ZC3H4: variants seen among roughly 807,000 people sequenced by gnomAD.
ZC3H4 encodes the protein zinc finger CCCH-type containing 4, also known as zinc finger CCCH domain-containing protein 4.
A neutral mutation model predicts 108.3 loss-of-function variants in ZC3H4; 13 were observed. The ratio of observed to expected loss-of-function variants is 0.12; its 90% CI spans 0.08 to 0.19. The LOEUF (loss-of-function observed/expected upper bound fraction) is 0.19, where lower values mean the gene tolerates loss of function less well. Ranked by LOEUF, ZC3H4 falls within the 10% of genes least tolerant of loss-of-function variation. The probability of loss-of-function intolerance (pLI) is 1.00; values close to 1 mark genes in which losing one functional copy is unlikely to be tolerated. For synonymous variants in ZC3H4, 917 were observed against 749.6 expected, an observed-to-expected ratio of 1.22 and a Z score of -3.65; for missense variants, 1,734 against 1,838.8, an observed-to-expected ratio of 0.94 and a Z score of 1.04.
chr19:47,085,103 T>C lies in ZC3H4; in HGVS notation c.1060A>G (p.Lys354Glu), dbSNP rs761482535. The C allele has an allele frequency of 3.1e-6, 5 of 1,614,210 alleles. No individual in the cohort carries two copies. The highest frequency in any genetic ancestry group is 2.2e-5 in the South Asian group (2 of 91,086). Reference protein sequence around the residue: ...GRGGSRGGMNKGGMNDDEDFY... With the variant: ...GRGGSRGGMNEGGMNDDEDFY... ...TCTTCGTCATCGTTCATTCCGCCCTTGTTCATCCCTCCTCGGCTGCCACCT... is the reference window on the plus strand; with the variant it reads ...TCTTCGTCATCGTTCATTCCGCCCTCGTTCATCCCTCCTCGGCTGCCACCT... Residue 354 changes from lysine (K) to glutamate (E), a missense_variant, in exon 8 of 15, where the codon AAG (lysine) becomes GAG (glutamate). Lys to Glu is a moderately conservative substitution (Grantham distance 56). Coordinates refer to ENST00000253048, the MANE Select transcript of ZC3H4 (RefSeq NM_015168.2).
chr19:47,088,414 G>T (rs747996921), intron 5 of ZC3H4, among the ~76,000 whole-genome samples: 41 of 152,060 alleles, frequency 2.7e-4, no homozygotes, highest in Non-Finnish European at 5.3e-4. Flanking sequence ...CGGGCATGGT[G>T]GTAGGCGCCT....
chr19:47,066,764 A>C lies in ZC3H4; in HGVS notation c.3504T>G (p.Gly1168=), dbSNP rs912701063. ...GKATEPAADT[G]AQPKGAEGNG... is the part of the protein sequence containing the mutation. ...TGCCCTCAGCACCCTTGGGCTGGGCACCCGTGTCAGCAGCCGGCTCTGTGG... is the reference window on the plus strand; with the variant it reads ...TGCCCTCAGCACCCTTGGGCTGGGCCCCCGTGTCAGCAGCCGGCTCTGTGG... The change falls in exon 15 of 15, where the codon GGT becomes GGG. Residue 1168 remains glycine (G), a synonymous_variant. Transcript: ENST00000253048. The C allele has an allele frequency of 2.5e-6, 4 of 1,603,248 alleles. No individual in the cohort carries two copies. Among genetic ancestry groups the C allele is most frequent in the Admixed American group, 1.7e-5 (1 of 59,496 alleles).
chr19:47,067,600 GATCGGAGGGTCCCGA>G lies in ZC3H4; in HGVS notation c.2653_2667del (p.Ser885_Asp889del). The G allele has an allele frequency of 6.2e-7, 1 of 1,606,582 alleles. No homozygotes were observed. The stretch of plus-strand genomic sequence containing the variant: ...GTGGGCAGGGCGCGAGCCAGCCGAG[GATCGGAGGGTCCCGA>G]ATCACCTGGGCCAGACCCGCCAGAA... On this transcript the variant is annotated inframe_deletion, in exon 15 of 15. Transcript: ENST00000253048. The surrounding 1 kb of genome is among the most constrained non-coding windows in gnomAD (Gnocchi z 6.4).
chr19:47,078,207 A>C (rs12609461), intron 11 of ZC3H4, among the ~76,000 whole-genome samples: 82,787 of 151,972 alleles, frequency 0.54, 24,496 homozygotes, highest in Non-Finnish European at 0.68. Flanking sequence ...ATGTTTGGCG[A>C]TAAATGAGAT....
Position 47,071,842 on chromosome 19 carries a change from G to A in ZC3H4, c.2082C>T (p.Phe694=). The A allele has an allele frequency of 6.2e-7, 1 of 1,613,760 alleles. No homozygotes were observed. Among genetic ancestry groups the A allele is most frequent in the Non-Finnish European group, 8.5e-7 (1 of 1,179,946 alleles). ...MMPPIPPAQN[F]YENFYQQQEG... ...CCTGCTGCTGGTAGAAGTTTTCATA[G>A]AAGTTCTGGGCTGGCGGGATAGGGG... Residue 694 remains phenylalanine, a synonymous_variant, in exon 13 of 15, where the codon TTC becomes TTT. Transcript: ENST00000253048.
chr19:47,109,929 T>C (rs1164889283), intron 2 of ZC3H4, among the ~76,000 whole-genome samples: 1 of 152,180 alleles, frequency 6.6e-6, no homozygotes, highest in East Asian at 1.9e-4. Context: ...TGTTGTTGTT[T>C]TTTCCTTGTT....
chr19:47,104,753 C>T (rs1327564469), intron 2 of ZC3H4, among the ~76,000 whole-genome samples: 3 of 152,202 alleles, frequency 2.0e-5, no homozygotes, highest in South Asian at 4.1e-4. Context: ...TCTCGTTCCC[C>T]GTGGAGTGGC....
chr19:47,112,493 G>T lies in ZC3H4; in HGVS notation c.92C>A (p.Pro31Gln). The T allele has an allele frequency of 1.7e-6, 2 of 1,152,484 alleles. No homozygotes were observed. Among genetic ancestry groups the T allele is most frequent in the Non-Finnish European group, 2.2e-6 (2 of 906,928 alleles). 71.4% of individuals were successfully genotyped at this position (1,152,484 alleles called of 1,614,324 possible). A position where few individuals can be genotyped will look rare whatever the true frequency, so the allele number is the denominator to read the frequency against. ...GGCCGGGCGGGCGTCGGGGGAACAC[G>T]GAGGAGGCGAAGGCGTTGATGGCGG... is the stretch of plus-strand genomic sequence containing the variant. ...PPPPSTPSPP[P>Q]CSPDARPATP... The change falls in exon 2 of 15, where the codon CCG becomes CAG. Residue 31 changes from proline to glutamine, a missense_variant. Coordinates refer to ENST00000253048, the MANE Select transcript of ZC3H4 (RefSeq NM_015168.2).
chr19:47,078,570 G>A (rs551339274), intron 11 of ZC3H4, among the ~76,000 whole-genome samples: 10 of 152,184 alleles, frequency 6.6e-5, no homozygotes, highest in East Asian at 3.9e-4. Flanking sequence ...ATCACCTGTC[G>A]AGGTGGGTGG....
chr19:47,068,192 G>GC (rs770562446), intron 14 of ZC3H4, among the ~76,000 whole-genome samples: 8 of 152,230 alleles, frequency 5.3e-5, no homozygotes, highest in South Asian at 2.1e-4. Flanking sequence ...GAAGCACAGT[G>GC]CCGTTACATT....
intron 13 of ZC3H4, 58 bp downstream of exon 13, chr19:47,071,720 T>A: frequency 6.6e-7 from 1 of 1,514,576 alleles, no homozygotes; most frequent in Non-Finnish European, 8.8e-7. Context: ...TCTCCCCAAC[T>A]CTGCTCCACT....
rs748434127 is a variant in ZC3H4, at chr19:47,067,949, G to A, written c.2399-80C>T. The A allele has an allele frequency of 2.1e-5, 28 of 1,349,352 alleles. No homozygotes were observed. Among genetic ancestry groups the A allele is most frequent in the Non-Finnish European group, 2.4e-5 (24 of 982,134 alleles). 83.6% of individuals were successfully genotyped at this position (1,349,352 alleles called of 1,614,324 possible). On this transcript the variant is annotated intron_variant, in intron 14 of 14. Coordinates refer to ENST00000253048, the MANE Select transcript of ZC3H4 (RefSeq NM_015168.2). The surrounding 1 kb of genome is among the most constrained non-coding windows in gnomAD (Gnocchi z 6.4). ...CTCTTGGATCCCACAGCAGCCCACC[G>A]TGAGCAGCTCCTTTGCTTGTGCCTC...
At chr19:47,097,123 A>G (rs1317076525) in intron 2 of ZC3H4, among the ~76,000 whole-genome samples, 2 of 152,220 alleles carry the variant, frequency 1.3e-5, no homozygotes, top group South Asian at 4.1e-4. Context: ...AAGGTAGAGA[A>G]GTGCAGCATT....
At chr19:47,081,908 A>G (rs1600038894) in intron 10 of ZC3H4, among the ~76,000 whole-genome samples, 1 of 152,034 alleles carries the variant, frequency 6.6e-6, no homozygotes. Flanking sequence ...AAGGTATAAA[A>G]CCACCTGGAA....
At chr19:47,078,508 C>A (rs900521488) in intron 11 of ZC3H4, among the ~76,000 whole-genome samples, 2 of 151,640 alleles carry the variant, frequency 1.3e-5, no homozygotes, top group Non-Finnish European at 2.9e-5. Context: ...ATTAGCCAGG[C>A]GCATTGGTGC....
In ZC3H4 at chr19:47,079,193, C is replaced by A. The variant is rs2057476581; in HGVS notation, c.1440+2320G>T. Among the ~76,000 whole-genome samples the A allele has an allele frequency of 2.6e-5, 4 of 151,212 alleles. No individual in the cohort carries two copies. The South Asian group carries it at 8.3e-4, about 32-fold the overall frequency. Reference sequence around the variant, plus strand: ...TACAGGTATGCACCACCTTGCCTGGCTAATTCTGTATTTTTAGTAGAGATG... The same window carrying A: ...TACAGGTATGCACCACCTTGCCTGGATAATTCTGTATTTTTAGTAGAGATG... On this transcript the variant is annotated intron_variant, in intron 11 of 14. Transcript: ENST00000253048.
chr19:47,096,097 ATCAAGGAGCGCC>A (rs1478623940), intron 2 of ZC3H4, among the ~76,000 whole-genome samples: 1 of 152,160 alleles, frequency 6.6e-6, no homozygotes, highest in African/African-American at 2.4e-5. Flanking sequence ...CTACCCAAAC[ATCAAGGAGCGCC>A]TCAAGAGCAG....
At position 47,067,973 on chromosome 19, in the gene ZC3H4, T is replaced by A; in HGVS notation, c.2399-104A>T. The A allele has an allele frequency of 8.8e-7, 1 of 1,139,396 alleles. No homozygotes were observed. Among genetic ancestry groups the A allele is most frequent in the Non-Finnish European group, 1.3e-6 (1 of 799,972 alleles). The allele number at this position is 1,139,396 out of a possible 1,614,324, so 70.6% of individuals were successfully genotyped here. A position where few individuals can be genotyped will look rare whatever the true frequency, so the allele number is the denominator to read the frequency against. On this transcript the variant is annotated intron_variant, in intron 14 of 14. Transcript: ENST00000253048. This position sits in a 1 kb window ranked among gnomAD's most constrained non-coding sequence, Gnocchi z 6.4. ...CGTGAGCAGCTCCTTTGCTTGTGCC[T>A]CTCAGAACCTCAGGTCCTCCTCTCT...
intron 2 of ZC3H4, 89 bp downstream of exon 2, chr19:47,112,335 G>A (rs1201567460): frequency 5.9e-6 from 7 of 1,178,226 alleles, no homozygotes; most frequent in Non-Finnish European, 7.4e-6. Flanking sequence ...CCTCCTCCGC[G>A]GCCCGGCCCA....
Sources: gnomAD v4.1 joint callset for allele counts (sites outside exome capture counted in the v4.1 genomes callset) on GRCh38, gnomAD v4.1.1 for gene constraint, Gnocchi (gnomAD v3.1) non-coding constraint, MANE v1.5 for transcripts, NCBI Gene and HGNC (gene_info 2026-07-23, HGNC 2026-07-21) for gene names.